CFAP57: variants seen among roughly 807,000 people sequenced by gnomAD.
CFAP57 encodes cilia and flagella associated protein 57.
In CFAP57, 116 loss-of-function variants were observed where a neutral mutation model predicts 146.8. The observed-to-expected ratio is 0.79, with a 90% CI of 0.68 to 0.92. CFAP57 has a LOEUF of 0.92. CFAP57 is among the 40% of genes least tolerant of loss of function. The pLI is 0.00. For missense variants in CFAP57, 1,377 were observed against 1,527.2 expected (o/e 0.90, Z 1.64); for synonymous variants, 518 against 552.8 (o/e 0.94, Z 0.88).
intron 18 of CFAP57, among the ~76,000 whole-genome samples, chr1:43,227,674 A>C (rs1367975353): frequency 3.3e-5 from 5 of 152,182 alleles, no homozygotes; most frequent in African/African-American, 9.7e-5. Flanking sequence ...GATCAACTGG[A>C]CAAGGGTTTC....
intron 18 of CFAP57, among the ~76,000 whole-genome samples, chr1:43,228,936 C>T (rs1463188503): frequency 6.7e-6 from 1 of 148,816 alleles, no homozygotes; most frequent in Non-Finnish European, 1.5e-5. Flanking sequence ...TCCAGCCTCT[C>T]GTACAAGGGC....
At chr1:43,226,323 C>G (rs181017466) in intron 17 of CFAP57, among the ~76,000 whole-genome samples, 7 of 152,340 alleles carry the variant, frequency 4.6e-5, no homozygotes, top group Admixed American at 3.3e-4. Flanking sequence ...CTCAAAACAG[C>G]TGGAGGCTGG....
At chr1:43,218,323 G>A (rs1056616452) in intron 12 of CFAP57, among the ~76,000 whole-genome samples, 4 of 152,276 alleles carry the variant, frequency 2.6e-5, no homozygotes, top group Admixed American at 6.5e-5. Context: ...ACACTAGGCC[G>A]GGTGCGGTGG....
chr1:43,193,566 G>T (rs1042967117), intron 6 of CFAP57, among the ~76,000 whole-genome samples: 2 of 152,022 alleles, frequency 1.3e-5, no homozygotes, highest in Non-Finnish European at 2.9e-5. Context: ...ATCAGATTCA[G>T]TTTGATTCAA....
In CFAP57 at chr1:43,181,860, A is replaced by T. The variant is rs757625328; in HGVS notation, c.474+10A>T. The T allele has an allele frequency of 1.2e-6, 2 of 1,613,534 alleles. No homozygotes were observed. The highest frequency in any genetic ancestry group is 1.7e-6 in the Non-Finnish European group (2 of 1,179,418). ...CAACCCTGTCTACCAGGTACCTAGTAGTGTGACAAGTATCGTGAAAATTAT... is the reference window on the plus strand; with the variant it reads ...CAACCCTGTCTACCAGGTACCTAGTTGTGTGACAAGTATCGTGAAAATTAT... On this transcript the variant is annotated intron_variant, in intron 3 of 22. Coordinates refer to ENST00000372492, the MANE Select transcript of CFAP57 (RefSeq NM_001378189.1).
chr1:43,248,039 T>C (rs1646177256), intron 22 of CFAP57, among the ~76,000 whole-genome samples: 1 of 147,070 alleles, frequency 6.8e-6, no homozygotes, highest in South Asian at 2.1e-4. Context: ...ACTCAGCTAC[T>C]GAAGCAGGAG....
At chr1:43,174,808 C>T (rs1645109202) in intron 2 of CFAP57, among the ~76,000 whole-genome samples, 2 of 152,018 alleles carry the variant, frequency 1.3e-5, no homozygotes, top group African/African-American at 2.4e-5. Context: ...CAAGCCAGAC[C>T]CTGTCTCAAA....
chr1:43,216,716 C>T (rs182802580), intron 12 of CFAP57, among the ~76,000 whole-genome samples: 3 of 152,282 alleles, frequency 2.0e-5, no homozygotes, highest in African/African-American at 4.8e-5. Flanking sequence ...TCTGTCCTGG[C>T]TCTTCCTCCG....
intron 3 of CFAP57, among the ~76,000 whole-genome samples, chr1:43,182,390 G>T (rs1489146243): frequency 1.3e-5 from 2 of 152,150 alleles, no homozygotes; most frequent in Non-Finnish European, 2.9e-5. Flanking sequence ...TCCCAAGGAG[G>T]TTTGATCTTG....
intron 11 of CFAP57, among the ~76,000 whole-genome samples, chr1:43,213,671 A>C (rs1644720982): frequency 6.6e-6 from 1 of 152,168 alleles, no homozygotes; most frequent in African/African-American, 2.4e-5. Context: ...CCTTCCCACC[A>C]ACAGTGTATA....
In CFAP57 at chr1:43,222,284, C is replaced by A; in HGVS notation, c.2521C>A (p.Leu841Ile). Residue 841 changes from leucine (L) to isoleucine (I), a missense_variant, in exon 15 of 23, where the codon CTT becomes ATT. Physicochemically the swap from Leu to Ile is conservative, Grantham distance 5 (BLOSUM62 2). Transcript: ENST00000372492. ...YEAKLQEKTTLLEEAQEDVRQ... is the reference protein window; with the variant it reads ...YEAKLQEKTTILEEAQEDVRQ... ...GGCAAAACTGCAGGAGAAAACCACCCTTCTGGAAGAGGTACTCACAGGAAG... is the reference window on the plus strand; with the variant it reads ...GGCAAAACTGCAGGAGAAAACCACCATTCTGGAAGAGGTACTCACAGGAAG... The A allele has an allele frequency of 6.9e-7, 1 of 1,444,680 alleles. No homozygotes were observed. Among genetic ancestry groups the A allele is most frequent in the Non-Finnish European group, 9.1e-7 (1 of 1,094,698 alleles). 89.5% of individuals were successfully genotyped at this position (1,444,680 alleles called of 1,614,324 possible).
intron 1 of CFAP57, 83 bp from the exon 2 acceptor site, chr1:43,172,652 C>T (rs1419252098): frequency 5.1e-6 from 5 of 987,760 alleles, no homozygotes; most frequent in South Asian, 3.0e-5. Flanking sequence ...GAGCAAAGGG[C>T]GGGGAGGGCG....
In CFAP57 at chr1:43,224,140, T is replaced by G; in HGVS notation, c.2801T>G (p.Leu934Arg). 1 of 1,550,438 alleles carries G rather than the reference T, an allele frequency of 6.4e-7. No homozygotes were observed. Among genetic ancestry groups the G allele is most frequent in the Non-Finnish European group, 8.7e-7 (1 of 1,146,886 alleles). ...QMKLQGVIKS[L>R]EKDIQGLKRE... ...AAGCTGCAAGGAGTCATTAAGTCTC[T>G]GGAGAAGGACATCCAAGGCCTCAAG... The change falls in exon 17 of 23, where the codon CTG becomes CGG. Residue 934 changes from leucine (L) to arginine (R), a missense_variant. Leu to Arg is a moderately radical substitution (Grantham distance 102). Transcript: ENST00000372492.
chr1:43,188,618 G>A (rs1643303264), intron 6 of CFAP57, among the ~76,000 whole-genome samples: 1 of 152,108 alleles, frequency 6.6e-6, no homozygotes, highest in Admixed American at 6.5e-5. Flanking sequence ...TGAGTCATAT[G>A]TCTTTTTATT....
chr1:43,232,296 C>A (rs951734462), intron 18 of CFAP57: 1 of 592,204 alleles, frequency 1.7e-6, no homozygotes, highest in African/African-American at 1.9e-5. Context: ...CGTGGAAACA[C>A]GTGATGCTGG....
chr1:43,233,697 A>G (rs545587542), intron 19 of CFAP57, among the ~76,000 whole-genome samples: 1 of 152,302 alleles, frequency 6.6e-6, no homozygotes, highest in Admixed American at 6.5e-5. Flanking sequence ...AGAAAGGGCC[A>G]TGGGAGCAAG....
chr1:43,202,939 T>C (rs754733962), intron 9 of CFAP57, among the ~76,000 whole-genome samples: 2 of 152,032 alleles, frequency 1.3e-5, no homozygotes, highest in Non-Finnish European at 2.9e-5. Flanking sequence ...TTTGGGAGGC[T>C]GAGGTGGGCG....
rs920609637 is a variant in CFAP57 at position 43,201,352 on chromosome 1, G to A, written c.1542+1849G>A. Among the ~76,000 whole-genome samples the A allele has an allele frequency of 2.0e-5, 3 of 152,216 alleles. No homozygotes were observed. The highest frequency in any genetic ancestry group is 7.2e-5 in the African/African-American group (3 of 41,450). On this transcript the variant is annotated intron_variant, in intron 9 of 22. Coordinates refer to ENST00000372492, the MANE Select transcript of CFAP57 (RefSeq NM_001378189.1). This position sits in a 1 kb window ranked among gnomAD's most constrained non-coding sequence, Gnocchi z 4.4. ...GGAACTAAACAATTTCTGAAAGGTT[G>A]AAGTGGTCAGTGGTACTAGATGTCA...
intron 2 of CFAP57, among the ~76,000 whole-genome samples, chr1:43,179,916 A>G (rs1437348916): frequency 1.3e-5 from 2 of 152,084 alleles, no homozygotes; most frequent in African/African-American, 4.8e-5. Context: ...GTTTAAAAAT[A>G]TATTTATAGG....
Sources: gnomAD v4.1 joint callset for allele counts (sites outside exome capture counted in the v4.1 genomes callset) on GRCh38, gnomAD v4.1.1 for gene constraint, Gnocchi (gnomAD v3.1) non-coding constraint, MANE v1.5 for transcripts, NCBI Gene and HGNC (gene_info 2026-07-23, HGNC 2026-07-21) for gene names.